The following ELF2 variants were observed in gnomAD, a reference collection of about 807,000 sequenced individuals.
The protein encoded by ELF2 is E74 like ETS transcription factor 2, also known as ETS-related transcription factor Elf-2.
In ELF2, 11 loss-of-function variants were observed where a neutral mutation model predicts 54.8. That is an observed-to-expected ratio of 0.20 (90% CI 0.13 to 0.33). ELF2 has a LOEUF of 0.33. Ranked by LOEUF, ELF2 falls within the 10% of genes least tolerant of loss-of-function variation. ELF2 has a pLI of 1.00. For synonymous variants in ELF2, 203 were observed against 245.1 expected, an observed-to-expected ratio of 0.83 and a Z score of 1.61; for missense variants, 513 against 703.0, an observed-to-expected ratio of 0.73 and a Z score of 3.06.
At chr4:139,082,291 G>A (rs776620342) in intron 4 of ELF2, among the ~76,000 whole-genome samples, 2 of 152,110 alleles carry the variant, frequency 1.3e-5, no homozygotes, top group African/African-American at 2.4e-5. Flanking sequence ...ACAACTTCAC[G>A]TATCGTTAGT....
At chr4:139,145,330 C>T (rs1246130906) in intron 1 of ELF2, among the ~76,000 whole-genome samples, 6 of 152,216 alleles carry the variant, frequency 3.9e-5, no homozygotes, top group Non-Finnish European at 8.8e-5. Context: ...GGTGCTGGTA[C>T]ACATTGCTGG....
At chr4:139,137,348 G>A in intron 3 of ELF2, 2 of 459,508 alleles carry the variant, frequency 4.4e-6, no homozygotes, top group Admixed American at 7.4e-5. Context: ...TTTTATGAGG[G>A]ATTTAAATTT....
intron 7 of ELF2, 58 bp from the exon 8 acceptor site, chr4:139,062,115 TA>T: frequency 3.4e-6 from 5 of 1,464,488 alleles, no homozygotes; most frequent in Non-Finnish European, 4.7e-6. Context: ...AATACATAAT[TA>T]AAAGCAAATA....
intron 1 of ELF2, among the ~76,000 whole-genome samples, chr4:139,150,925 T>A (rs1379010513): frequency 6.7e-6 from 1 of 149,974 alleles, no homozygotes; most frequent in Non-Finnish European, 1.5e-5. Flanking sequence ...CTCAGGAGAC[T>A]GAGGCAGGAG....
intron 1 of ELF2, among the ~76,000 whole-genome samples, chr4:139,144,153 G>C (rs1185416225): frequency 6.6e-6 from 1 of 152,074 alleles, no homozygotes; most frequent in Non-Finnish European, 1.5e-5. Flanking sequence ...CATGAGCCAG[G>C]TAAAAAACTG....
chr4:139,106,990 C>G (rs540223329), intron 4 of ELF2, among the ~76,000 whole-genome samples: 1 of 152,068 alleles, frequency 6.6e-6, no homozygotes, highest in Non-Finnish European at 1.5e-5. Context: ...AGGTGTTTCA[C>G]CTGCTTCGGC....
chr4:139,156,192 G>A (rs1046408200), intron 1 of ELF2, among the ~76,000 whole-genome samples: 2 of 151,228 alleles, frequency 1.3e-5, no homozygotes, highest in Middle Eastern at 3.4e-3. Flanking sequence ...GGGAGTCGTC[G>A]GGGGACGGAG....
chr4:139,107,037 T>A (rs773941526), intron 4 of ELF2, among the ~76,000 whole-genome samples: 2 of 152,148 alleles, frequency 1.3e-5, no homozygotes, highest in Non-Finnish European at 2.9e-5. Context: ...TGTGCCACCA[T>A]GCCCAGCCTT....
chr4:139,121,284 A>G (rs1157030370), intron 4 of ELF2, among the ~76,000 whole-genome samples: 4 of 150,082 alleles, frequency 2.7e-5, no homozygotes, highest in Non-Finnish European at 4.4e-5. Flanking sequence ...AATTTTTTGT[A>G]TTTTTAGTAG....
chr4:139,128,464 AT>A (rs1737158796), intron 3 of ELF2, among the ~76,000 whole-genome samples: 1 of 151,710 alleles, frequency 6.6e-6, no homozygotes, highest in Non-Finnish European at 1.5e-5. Context: ...TTATCTATAT[AT>A]TCCTTGTAAT....
intron 1 of ELF2, among the ~76,000 whole-genome samples, chr4:139,161,957 G>T (rs958230243): frequency 1.3e-5 from 2 of 152,164 alleles, no homozygotes; most frequent in Admixed American, 1.3e-4. Flanking sequence ...AGCTGGGTGT[G>T]GTGGTGGACG....
intron 1 of ELF2, among the ~76,000 whole-genome samples, chr4:139,160,898 G>A (rs1379882265): frequency 1.3e-5 from 2 of 152,140 alleles, no homozygotes; most frequent in Non-Finnish European, 2.9e-5. Flanking sequence ...GGGAGGTGGA[G>A]GTTGCAGTGA....
chr4:139,157,400 T>C (rs989335198), intron 1 of ELF2, among the ~76,000 whole-genome samples: 1 of 152,138 alleles, frequency 6.6e-6, no homozygotes, highest in African/African-American at 2.4e-5. Flanking sequence ...ATCAAAATTC[T>C]GTATAATTTT....
At chr4:139,147,778 ATT>A (rs767408414) in intron 1 of ELF2, among the ~76,000 whole-genome samples, 8 of 120,128 alleles carry the variant, frequency 6.7e-5, no homozygotes, top group Admixed American at 8.8e-5. Context: ...CCAGCCAGAG[ATT>A]TTTTTTTTTT....
intron 4 of ELF2, among the ~76,000 whole-genome samples, chr4:139,107,585 A>G (rs914318903): frequency 1.3e-5 from 2 of 152,204 alleles, no homozygotes; most frequent in African/African-American, 4.8e-5. Context: ...GCTAATAACT[A>G]TAGTTAAAAG....
chr4:139,088,219 G>A (rs554791343), intron 4 of ELF2, among the ~76,000 whole-genome samples: 2 of 150,678 alleles, frequency 1.3e-5, no homozygotes, highest in African/African-American at 4.9e-5. Flanking sequence ...CCCAGGAGAG[G>A]AAGGTTGCAG....
At chr4:139,068,118 T>A (rs949200075) in intron 6 of ELF2, among the ~76,000 whole-genome samples, 1 of 152,066 alleles carries the variant, frequency 6.6e-6, no homozygotes. Flanking sequence ...CCTCCCGGGT[T>A]CAAGCAATTC....
At chr4:139,109,884 T>A (rs1734784954) in intron 4 of ELF2, among the ~76,000 whole-genome samples, 1 of 152,202 alleles carries the variant, frequency 6.6e-6, no homozygotes, top group Non-Finnish European at 1.5e-5. Flanking sequence ...CCACGTGTAC[T>A]GTGTTCACTA....
At chr4:139,162,476 A>G (rs906722281) in intron 1 of ELF2, among the ~76,000 whole-genome samples, 3 of 152,178 alleles carry the variant, frequency 2.0e-5, no homozygotes, top group African/African-American at 7.2e-5. Flanking sequence ...GGTTGCAGTG[A>G]GCCAAAATGG....
Sources: gnomAD v4.1 joint callset for allele counts (sites outside exome capture counted in the v4.1 genomes callset) on GRCh38, gnomAD v4.1.1 for gene constraint, MANE v1.5 for transcripts, NCBI Gene and HGNC (gene_info 2026-07-23, HGNC 2026-07-21) for gene names.